Variants in ANKRD31 observed in about 807,000 individuals in gnomAD.
ANKRD31 encodes the protein ankyrin repeat domain-containing protein 31.
In ANKRD31, 147 loss-of-function variants were observed where a neutral mutation model predicts 186.0. The ratio of observed to expected loss-of-function variants is 0.79; its 90% CI spans 0.69 to 0.91. The LOEUF is 0.91. ANKRD31 is among the 40% of genes least tolerant of loss of function. The probability of loss-of-function intolerance (pLI) is 0.00; values close to 1 mark genes in which losing one functional copy is unlikely to be tolerated. For synonymous variants in ANKRD31, 673 were observed against 736.4 expected, an observed-to-expected ratio of 0.91 and a Z score of 1.39; for missense variants, 1,986 against 2,148.8, an observed-to-expected ratio of 0.92 and a Z score of 1.50.
rs111735663 is a variant in ANKRD31 at position 75,226,598 on chromosome 5, T to A, written c.178+3964A>T. ...AAAATATAATAATCAGATTTTAAAA[T>A]GGGCAAAAGATCTGAACACACATGT... On this transcript the variant is annotated intron_variant, in intron 2 of 25. Coordinates refer to ENST00000506364, the MANE Select transcript of ANKRD31 (RefSeq NM_001372053.1). 3.0e-3 allele frequency among the ~76,000 whole-genome samples: 460 copies of A among 152,248 alleles called. 3 individuals are homozygous for A. Among genetic ancestry groups the A allele is most frequent in the African/African-American group, 9.8e-3 (409 of 41,548 alleles).
In ANKRD31 at chr5:75,133,366, G is replaced by C. The variant is rs566737758; in HGVS notation, c.3876+4490C>G. Among the ~76,000 whole-genome samples the C allele has an allele frequency of 6.3e-4, 95 of 151,996 alleles. 1 individual carries two copies. The highest frequency in any genetic ancestry group is 4.3e-3 in the East Asian group (22 of 5,162). ...AAAAAAAACAAGTATTGCAATTCTA[G>C]TCTCTGCTAAAACAGACTTTAAACC... On this transcript the variant is annotated intron_variant, in intron 17 of 25. Coordinates refer to ENST00000506364, the MANE Select transcript of ANKRD31 (RefSeq NM_001372053.1).
rs1055944519 is a variant in ANKRD31, at chr5:75,116,665, G to T, written c.4056C>A (p.Val1352=). 4.2e-6 allele frequency: 6 copies of T among 1,412,752 alleles called. No individual in the cohort carries two copies. Among genetic ancestry groups the T allele is most frequent in the Non-Finnish European group, 1.9e-6 (2 of 1,077,358 alleles). The allele number at this position is 1,412,752 out of a possible 1,614,324, so 87.5% of individuals were successfully genotyped here. Residue 1352 remains valine (V), a synonymous_variant, in exon 19 of 26, where the codon GTC becomes GTA. Coordinates refer to ENST00000506364, the MANE Select transcript of ANKRD31 (RefSeq NM_001372053.1). Reference sequence around the variant, plus strand: ...AACACTGTTTATGTCTTTTAGACCGGACAGCAGGAATTTTTTCTTTAAAAA... The same window carrying T: ...AACACTGTTTATGTCTTTTAGACCGTACAGCAGGAATTTTTTCTTTAAAAA... ...DAIVNEKIPA[V]RSKRHKQCFC...
At chr5:75,155,730 C>T (rs962207471) in intron 11 of ANKRD31, among the ~76,000 whole-genome samples, 2 of 151,890 alleles carry the variant, frequency 1.3e-5, no homozygotes, top group Admixed American at 1.3e-4. Flanking sequence ...GTGTATGTAC[C>T]TAAAAATTAA....
chr5:75,174,317 T>C (rs979564489), intron 10 of ANKRD31, among the ~76,000 whole-genome samples: 1 of 152,112 alleles, frequency 6.6e-6, no homozygotes, highest in African/African-American at 2.4e-5. Flanking sequence ...ACATAGGCAT[T>C]GGCAAAACTT....
At chr5:75,166,119 G>A (rs1752904361) in intron 11 of ANKRD31, among the ~76,000 whole-genome samples, 1 of 152,118 alleles carries the variant, frequency 6.6e-6, no homozygotes, top group Non-Finnish European at 1.5e-5. Flanking sequence ...TCATGTTCTA[G>A]CCAAACAGTC....
intron 22 of ANKRD31, among the ~76,000 whole-genome samples, chr5:75,097,825 A>G (rs941826527): frequency 3.3e-5 from 5 of 152,026 alleles, no homozygotes; most frequent in South Asian, 4.2e-4. Context: ...ATCTTGAATT[A>G]ATTTTTGTAT....
chr5:75,130,904 G>A (rs922730253), intron 17 of ANKRD31, among the ~76,000 whole-genome samples: 9 of 152,226 alleles, frequency 5.9e-5, no homozygotes, highest in East Asian at 3.9e-4. Context: ...CGGGCACTCC[G>A]GTAGCCCAGA....
chr5:75,231,964 C>G (rs1355976872), intron 1 of ANKRD31, among the ~76,000 whole-genome samples: 1 of 150,670 alleles, frequency 6.6e-6, no homozygotes, highest in South Asian at 2.1e-4. Flanking sequence ...TCTAATAGTT[C>G]TCAGCATCAG....
intron 22 of ANKRD31, among the ~76,000 whole-genome samples, chr5:75,093,705 T>C (rs1223671168): frequency 6.6e-6 from 1 of 152,174 alleles, no homozygotes; most frequent in African/African-American, 2.4e-5. Context: ...GCTGTGTTAT[T>C]ATCAAACAAT....
At chr5:75,083,610 A>T (rs1745248895) in intron 24 of ANKRD31, among the ~76,000 whole-genome samples, 1 of 152,046 alleles carries the variant, frequency 6.6e-6, no homozygotes, top group Non-Finnish European at 1.5e-5. Context: ...TGCACCTGTA[A>T]TCCCAGCTAC....
intron 12 of ANKRD31, among the ~76,000 whole-genome samples, chr5:75,149,100 T>C (rs1399492195): frequency 6.6e-6 from 1 of 151,914 alleles, no homozygotes; most frequent in Non-Finnish European, 1.5e-5. Context: ...AGGCCAACCG[T>C]CTTGTGAATG....
Position 75,193,503 on chromosome 5 carries a change from G to C in ANKRD31, c.1106C>G (p.Ser369Ter). Residue 369 changes from serine (S) to a stop codon, truncating the protein, a stop_gained, in exon 8 of 26, where the codon TCA (serine) becomes TGA (stop). Transcript: ENST00000506364. LOFTEE classifies it high-confidence loss of function. ...ATCAGAGCTATTTGTCACTGAATTT[G>C]AATTTCTCTTATTACTTAGTGGCTC... ...SCEPLSNKRNSNSVTNSSDQE... is the reference protein window; with the variant it reads ...SCEPLSNKRN 6.5e-7 allele frequency: 1 copy of C among 1,537,100 alleles called. No individual in the cohort carries two copies. The highest frequency in any genetic ancestry group is 8.7e-7 in the Non-Finnish European group (1 of 1,146,736).
intron 20 of ANKRD31, among the ~76,000 whole-genome samples, chr5:75,110,929 T>C (rs1437926690): frequency 6.6e-6 from 1 of 151,318 alleles, no homozygotes; most frequent in Non-Finnish European, 1.5e-5. Flanking sequence ...ATCAATAGAT[T>C]TAAAATGCTT....
chr5:75,098,128 G>T (rs1746486722), intron 22 of ANKRD31, among the ~76,000 whole-genome samples: 1 of 152,010 alleles, frequency 6.6e-6, no homozygotes, highest in Non-Finnish European at 1.5e-5. Context: ...GAGTAGCTGG[G>T]ACTACAGGCG....
intron 23 of ANKRD31, among the ~76,000 whole-genome samples, chr5:75,085,326 C>A (rs973562008): frequency 6.6e-6 from 1 of 152,018 alleles, no homozygotes; most frequent in African/African-American, 2.4e-5. Context: ...GAGTGCCTGA[C>A]GATACTGGAT....
At chr5:75,190,500 T>C (rs1461431363) in intron 9 of ANKRD31, among the ~76,000 whole-genome samples, 1 of 152,152 alleles carries the variant, frequency 6.6e-6, no homozygotes, top group African/African-American at 2.4e-5. Context: ...TTCCCCCTTA[T>C]ATATTTTGTA....
intron 25 of ANKRD31, among the ~76,000 whole-genome samples, chr5:75,072,254 G>A (rs953477537): frequency 1.3e-5 from 2 of 152,132 alleles, no homozygotes; most frequent in African/African-American, 2.4e-5. Flanking sequence ...TTGCAGCTAG[G>A]TGTGGCATAT....
chr5:75,128,736 G>C (rs1055029847), intron 17 of ANKRD31, among the ~76,000 whole-genome samples: 1 of 150,162 alleles, frequency 6.7e-6, no homozygotes, highest in African/African-American at 2.5e-5. Flanking sequence ...GGATGATCTC[G>C]ATCTCCTGAC....
At chr5:75,138,096 C>T in intron 16 of ANKRD31, 98 bp from the exon 17 acceptor site, 1 of 1,056,252 alleles carries the variant, frequency 9.5e-7, no homozygotes, top group Admixed American at 3.5e-5. Flanking sequence ...AATGCAATAT[C>T]CATATTGATT....
Sources: gnomAD v4.1 joint callset for allele counts (sites outside exome capture counted in the v4.1 genomes callset) on GRCh38, gnomAD v4.1.1 for gene constraint, MANE v1.5 for transcripts, NCBI Gene and HGNC (gene_info 2026-07-23, HGNC 2026-07-21) for gene names.